ZWILCH: variants seen among roughly 807,000 people sequenced by gnomAD.
The protein encoded by ZWILCH is protein zwilch homolog.
Under a neutral mutation model 79.9 loss-of-function variants are expected in ZWILCH, and 74 were observed. That is an observed-to-expected ratio of 0.93 (90% CI 0.77 to 1.12). The LOEUF (loss-of-function observed/expected upper bound fraction) is 1.12, where lower values mean the gene tolerates loss of function less well. Among genes scored for constraint, ZWILCH ranks in the 50% most tolerant of loss-of-function variants. ZWILCH has a pLI of 0.00. For synonymous variants in ZWILCH, 241 were observed against 228.2 expected (o/e 1.06, Z -0.51); for missense variants, 694 against 687.5 (o/e 1.01, Z -0.11).
At chr15:66,519,415 T>C (rs1243851300) in intron 5 of ZWILCH, among the ~76,000 whole-genome samples, 1 of 152,208 alleles carries the variant, frequency 6.6e-6, no homozygotes, top group Non-Finnish European at 1.5e-5. Context: ...TTTTTGGTAG[T>C]AGTATTGACC....
In ZWILCH at chr15:66,549,183, A is replaced by G. The variant is rs1309506210; in HGVS notation, c.*859A>G. The G allele has an allele frequency of 2.0e-5, 3 of 152,246 alleles. No individual in the cohort carries two copies. The highest frequency in any genetic ancestry group is 3.8e-4 in the East Asian group (2 of 5,202). 9.4% of individuals were successfully genotyped at this position (152,246 alleles called of 1,614,324 possible). A position where few individuals can be genotyped will look rare whatever the true frequency, so the allele number is the denominator to read the frequency against. On this transcript the variant is annotated 3_prime_UTR_variant, in exon 19 of 19. Transcript: ENST00000307897. The stretch of plus-strand genomic sequence containing the variant: ...TGTGCTGGGTACTCTGGTTACTGAG[A>G]TAAATAAGGCACTGGACATCCTCAC...
At chr15:66,530,390 CTT>C (rs980664127) in intron 12 of ZWILCH, among the ~76,000 whole-genome samples, 4 of 152,170 alleles carry the variant, frequency 2.6e-5, no homozygotes, top group African/African-American at 9.7e-5. Context: ...AATTCCAACT[CTT>C]TGGGAGGCTG....
At chr15:66,544,719 G>GTTGTGTGTGTGTGT (rs1555426538) in intron 17 of ZWILCH, among the ~76,000 whole-genome samples, 7 of 44,780 alleles carry the variant, frequency 1.6e-4, no homozygotes, top group African/African-American at 4.6e-4. Flanking sequence ...TTGTTTTTTT[G>GTTGTGTGTGTGTGT]GTTTTTGTGT....
chr15:66,524,747 C>G (rs906060916), intron 8 of ZWILCH, among the ~76,000 whole-genome samples: 2 of 152,160 alleles, frequency 1.3e-5, no homozygotes, highest in African/African-American at 4.8e-5. Flanking sequence ...ATTTTTGATA[C>G]TTTTACTTCC....
intron 8 of ZWILCH, among the ~76,000 whole-genome samples, chr15:66,524,906 T>C (rs1894619862): frequency 6.6e-6 from 1 of 152,146 alleles, no homozygotes; most frequent in African/African-American, 2.4e-5. Flanking sequence ...CTTCTCTCTC[T>C]GCACCCCTGC....
intron 17 of ZWILCH, among the ~76,000 whole-genome samples, chr15:66,544,085 A>G (rs1016006941): frequency 1.3e-5 from 2 of 151,920 alleles, no homozygotes; most frequent in African/African-American, 4.8e-5. Flanking sequence ...GTGAAACCCC[A>G]CCTGTACTAA....
chr15:66,516,798 G>A (rs111826283), intron 4 of ZWILCH, among the ~76,000 whole-genome samples: 1,973 of 152,280 alleles, frequency 0.013, 36 homozygotes, highest in African/African-American at 0.045. Context: ...GAGCCACTGC[G>A]CCCAGCCTAG....
At position 66,523,574 on chromosome 15, in the gene ZWILCH, T is replaced by C. The variant is rs557472744; in HGVS notation, c.748-103T>C. 6.9e-5 allele frequency: 48 copies of C among 694,514 alleles called. No individual in the cohort carries two copies. The East Asian group carries it at 1.2e-3, about 17-fold the overall frequency. The allele number at this position is 694,514 out of a possible 1,614,324, so 43.0% of individuals were successfully genotyped here. On this transcript the variant is annotated intron_variant, in intron 7 of 18. Coordinates refer to ENST00000307897, the MANE Select transcript of ZWILCH (RefSeq NM_017975.5). ...CAATTCATTGGTCCTTTATGAAATA[T>C]ATTTTTTAATGTGTGAAAGATAGTT... is the stretch of plus-strand genomic sequence containing the variant.
chr15:66,543,468 T>G (rs1895258237), intron 17 of ZWILCH, among the ~76,000 whole-genome samples: 1 of 152,182 alleles, frequency 6.6e-6, no homozygotes. Flanking sequence ...TTCTATTGCC[T>G]AAGCTAGGTG....
rs1268346572 is a variant in ZWILCH at position 66,515,549 on chromosome 15, T to C, written c.225T>C (p.Ser75=). 1.2e-6 allele frequency: 2 copies of C among 1,609,616 alleles called. No homozygotes were observed. Among genetic ancestry groups the C allele is most frequent in the African/African-American group, 2.7e-5 (2 of 74,602 alleles). ...EKVPLEKEET[S]HIEELQSEET... Reference sequence around the variant, plus strand: ...AGCCTTTAGAAAAGGAAGAAACAAGTCATATTGAAGAACTTCAATCTGAAG... The same window carrying C: ...AGCCTTTAGAAAAGGAAGAAACAAGCCATATTGAAGAACTTCAATCTGAAG... The change falls in exon 4 of 19, where the codon AGT becomes AGC. Residue 75 remains serine, a synonymous_variant. Coordinates refer to ENST00000307897, the MANE Select transcript of ZWILCH (RefSeq NM_017975.5).
intron 17 of ZWILCH, among the ~76,000 whole-genome samples, chr15:66,544,705 TTTG>T (rs1233947482): frequency 8.2e-6 from 1 of 122,352 alleles, no homozygotes; most frequent in African/African-American, 3.1e-5. Flanking sequence ...GCCTTGTTTT[TTTG>T]TTGTTTTTTT....
At chr15:66,508,646 T>G in intron 1 of ZWILCH, 195 bp from the exon 2 acceptor site, 1 of 1,161,540 alleles carries the variant, frequency 8.6e-7, no homozygotes, top group Non-Finnish European at 1.1e-6. Flanking sequence ...TTTTTGGTTC[T>G]CTTTTCTTCT....
rs770173109 is a variant in ZWILCH, at chr15:66,527,390, T to G, written c.913+7T>G. 1 of 1,607,198 alleles carries G rather than the reference T, an allele frequency of 6.2e-7. No individual in the cohort carries two copies. The highest frequency in any genetic ancestry group is 8.5e-7 in the Non-Finnish European group (1 of 1,173,918). On this transcript the variant is annotated splice_region_variant and intron_variant, in intron 9 of 18. Coordinates refer to ENST00000307897, the MANE Select transcript of ZWILCH (RefSeq NM_017975.5). ...GTTCAGGAATTTCTGAATGGTGTAT[T>G]ACTTGTTTTATTAATTGAGAATTTA...
intron 18 of ZWILCH, 23 bp downstream of exon 18, chr15:66,546,728 CTCTT>C (rs1895384196): frequency 1.5e-6 from 2 of 1,362,772 alleles, no homozygotes; most frequent in African/African-American, 1.4e-5. Context: ...ACATTTTAGT[CTCTT>C]TGTCAAATAC....
intron 2 of ZWILCH, among the ~76,000 whole-genome samples, chr15:66,511,761 A>G (rs998578869): frequency 3.3e-5 from 5 of 151,920 alleles, no homozygotes; most frequent in Admixed American, 6.6e-5. Context: ...GATTATAGGC[A>G]CCCACCACCA....
In ZWILCH at chr15:66,523,691, A is replaced by T; in HGVS notation, c.762A>T (p.Glu254Asp). The T allele has an allele frequency of 6.2e-7, 1 of 1,611,810 alleles. No homozygotes were observed. Among genetic ancestry groups the T allele is most frequent in the Non-Finnish European group, 8.5e-7 (1 of 1,178,526 alleles). ...AAACTTTTTAGAATATTAAAGTGGAATCAGGAGAGCCCAGAGGTCCTTTGA... is the reference window on the plus strand; with the variant it reads ...AAACTTTTTAGAATATTAAAGTGGATTCAGGAGAGCCCAGAGGTCCTTTGA... ...SSTATLNIKVESGEPRGPLNH... is the reference protein window; with the variant it reads ...SSTATLNIKVDSGEPRGPLNH... The change falls in exon 8 of 19, where the codon GAA (glutamate) becomes GAT (aspartate). Residue 254 changes from glutamate to aspartate, a missense_variant. Coordinates refer to ENST00000307897, the MANE Select transcript of ZWILCH (RefSeq NM_017975.5).
chr15:66,524,177 C>T (rs1449012935), intron 8 of ZWILCH, among the ~76,000 whole-genome samples: 8 of 152,028 alleles, frequency 5.3e-5, no homozygotes, highest in Non-Finnish European at 1.2e-4. Flanking sequence ...CATATGGTAA[C>T]TGTATATTTA....
chr15:66,533,488 G>C (rs766095009), intron 14 of ZWILCH, among the ~76,000 whole-genome samples: 1 of 152,086 alleles, frequency 6.6e-6, no homozygotes, highest in Non-Finnish European at 1.5e-5. Flanking sequence ...GTTGAATAGT[G>C]TCTGTACTGA....
intron 2 of ZWILCH, among the ~76,000 whole-genome samples, chr15:66,512,334 C>G (rs567234821): frequency 1.3e-5 from 2 of 152,022 alleles, no homozygotes; most frequent in South Asian, 4.2e-4. Flanking sequence ...TCAAAGTTCA[C>G]TGCGGCCTCA....
Sources: allele counts gnomAD v4.1 joint callset (sites outside exome capture counted in the v4.1 genomes callset), GRCh38; gene constraint gnomAD v4.1.1; transcripts MANE v1.5; gene names NCBI Gene and HGNC (gene_info 2026-07-23, HGNC 2026-07-21).